Variants in SDCCAG8 observed in about 807,000 individuals in gnomAD.
SDCCAG8 encodes the protein serologically defined colon cancer antigen 8.
Under a neutral mutation model 101.8 loss-of-function variants are expected in SDCCAG8, and 74 were observed. The observed-to-expected ratio is 0.73, with a 90% CI of 0.60 to 0.88. The LOEUF is 0.88. Among genes scored for constraint, SDCCAG8 ranks in the 40% least tolerant of loss-of-function variants. The pLI, the probability that SDCCAG8 is intolerant of heterozygous loss-of-function variation, is 0.00. For synonymous variants in SDCCAG8, 281 were observed against 292.9 expected (o/e 0.96, Z 0.41); for missense variants, 787 against 822.6 (o/e 0.96, Z 0.53).
chr1:243,377,202 T>C (rs2077648544), intron 12 of SDCCAG8, among the ~76,000 whole-genome samples: 1 of 152,128 alleles, frequency 6.6e-6, no homozygotes, highest in East Asian at 1.9e-4. Flanking sequence ...TTCTTACATA[T>C]AGGACTGTGT....
At chr1:243,407,960 T>G (rs1573873979) in intron 13 of SDCCAG8, among the ~76,000 whole-genome samples, 2 of 152,248 alleles carry the variant, frequency 1.3e-5, no homozygotes, top group African/African-American at 4.8e-5. Flanking sequence ...CAGCCCCTGT[T>G]AGCTGTAAAT....
intron 16 of SDCCAG8, among the ~76,000 whole-genome samples, chr1:243,480,084 G>T (rs1438470725): frequency 2.0e-5 from 3 of 151,340 alleles, no homozygotes; most frequent in African/African-American, 7.3e-5. Flanking sequence ...GCACTCATAG[G>T]ATTAGGATTA....
At chr1:243,369,181 C>T (rs547536097) in intron 12 of SDCCAG8, among the ~76,000 whole-genome samples, 1 of 152,264 alleles carries the variant, frequency 6.6e-6, no homozygotes, top group African/African-American at 2.4e-5. Context: ...ATTTTAACCC[C>T]TATCACTTTA....
chr1:243,397,403 A>T lies in SDCCAG8; in HGVS notation c.1617-18299A>T, dbSNP rs1033535177. ...TTTTTTAAATCCATCCATTAATTTAATTTTTTCCAGCCAGAAGCTCCATTA... is the reference window on the plus strand; with the variant it reads ...TTTTTTAAATCCATCCATTAATTTATTTTTTTCCAGCCAGAAGCTCCATTA... On this transcript the variant is annotated intron_variant, in intron 13 of 17. Transcript: ENST00000366541. Among the ~76,000 whole-genome samples the T allele has an allele frequency of 4.6e-5, 7 of 152,086 alleles. No homozygotes were observed. The East Asian group carries it at 1.3e-3, about 29-fold the overall frequency.
chr1:243,275,896 G>T (rs1328713700), intron 4 of SDCCAG8, among the ~76,000 whole-genome samples: 3 of 113,214 alleles, frequency 2.6e-5, no homozygotes, highest in African/African-American at 1.1e-4. Context: ...ATGGAGTCTC[G>T]CATTGTCGCC....
chr1:243,363,468 G>A (rs1037851656), intron 12 of SDCCAG8, among the ~76,000 whole-genome samples: 4 of 152,138 alleles, frequency 2.6e-5, no homozygotes, highest in East Asian at 1.9e-4. Context: ...ATATAAACCC[G>A]TGTTGGGAAA....
At chr1:243,495,761 T>A (rs1190410003) in intron 17 of SDCCAG8, among the ~76,000 whole-genome samples, 2 of 152,172 alleles carry the variant, frequency 1.3e-5, no homozygotes, top group African/African-American at 2.4e-5. Flanking sequence ...TGAGGGCACC[T>A]CTCTCCTCAG....
At chr1:243,266,387 G>A (rs535728570) in intron 1 of SDCCAG8, among the ~76,000 whole-genome samples, 2 of 151,222 alleles carry the variant, frequency 1.3e-5, no homozygotes, top group Admixed American at 6.6e-5. Flanking sequence ...TGTGATCTCG[G>A]CTCACTGCAA....
chr1:243,311,509 A>G (rs1256469683), intron 8 of SDCCAG8, among the ~76,000 whole-genome samples: 2 of 152,210 alleles, frequency 1.3e-5, no homozygotes, highest in African/African-American at 4.8e-5. Context: ...CTTTAACAAT[A>G]TTGGTAACTA....
rs147147153 is a variant in SDCCAG8, at chr1:243,387,414, G to A, written c.1616+8551G>A. 2.1e-3 allele frequency among the ~76,000 whole-genome samples: 317 copies of A among 152,092 alleles called. 4 individuals are homozygous for A. Among genetic ancestry groups the A allele is most frequent in the Admixed American group, 0.015 (229 of 15,266 alleles). ...TTCTTATTTCTCCTTTTACATAAAT[G>A]ATCTTTTTAATAATATGTATGTACT... On this transcript the variant is annotated intron_variant, in intron 13 of 17. Transcript: ENST00000366541.
chr1:243,256,088 C>T lies in SDCCAG8; in HGVS notation c.-86C>T, dbSNP rs1384528490. 3 of 1,325,088 alleles carry T rather than the reference C, an allele frequency of 2.3e-6. No individual in the cohort carries two copies. Among genetic ancestry groups the T allele is most frequent in the African/African-American group, 1.4e-5 (1 of 69,390 alleles). The allele number at this position is 1,325,088 out of a possible 1,614,324, so 82.1% of individuals were successfully genotyped here. On this transcript the variant is annotated 5_prime_UTR_variant, in exon 1 of 18. Coordinates refer to ENST00000366541, the MANE Select transcript of SDCCAG8 (RefSeq NM_006642.5). Reference sequence around the variant, plus strand: ...CCGCGGCAGGAAGCAGGCGGGCGCTCCCCGGCCACAGGCCTGTTGTTCTCG... The same window carrying T: ...CCGCGGCAGGAAGCAGGCGGGCGCTTCCCGGCCACAGGCCTGTTGTTCTCG...
At chr1:243,389,158 C>G (rs560916002) in intron 13 of SDCCAG8, among the ~76,000 whole-genome samples, 133 of 149,232 alleles carry the variant, frequency 8.9e-4, no homozygotes, top group Non-Finnish European at 1.1e-3. Flanking sequence ...CCTCCCCCCC[C>G]CAAAAAAAAA....
intron 3 of SDCCAG8, among the ~76,000 whole-genome samples, chr1:243,272,413 T>G (rs1420858003): frequency 6.6e-6 from 1 of 152,252 alleles, no homozygotes; most frequent in Non-Finnish European, 1.5e-5. Context: ...ATGCATATTC[T>G]AAATTTATAG....
chr1:243,316,382 T>C (rs1449079920), intron 8 of SDCCAG8, among the ~76,000 whole-genome samples: 2 of 152,228 alleles, frequency 1.3e-5, no homozygotes, highest in Non-Finnish European at 2.9e-5. Context: ...TTCCTTAAAA[T>C]GTTGACTGCT....
At chr1:243,405,760 G>T (rs1441055485) in intron 13 of SDCCAG8, among the ~76,000 whole-genome samples, 4 of 151,610 alleles carry the variant, frequency 2.6e-5, no homozygotes, top group Non-Finnish European at 4.4e-5. Context: ...GATAAATAAT[G>T]CATGCATTAC....
rs115450612 is a variant in SDCCAG8, at chr1:243,400,734, T to C, written c.1617-14968T>C. 8.0e-3 allele frequency among the ~76,000 whole-genome samples: 1,215 copies of C among 152,336 alleles called. 9 individuals are homozygous for C. The highest frequency in any genetic ancestry group is 0.027 in the Middle Eastern group (8 of 294). ...CATAACTAGATTGCCAGTCAGTTCA[T>C]TGAAGTTAGACACCTTTTAAAGCAT... On this transcript the variant is annotated intron_variant, in intron 13 of 17. Transcript: ENST00000366541.
rs148887070 is a variant in SDCCAG8 at position 243,260,646 on chromosome 1, A to G, written c.67+4406A>G. Among the ~76,000 whole-genome samples, 188 of 152,360 alleles carry G rather than the reference A, an allele frequency of 1.2e-3. 2 individuals are homozygous for G. Among genetic ancestry groups the G allele is most frequent in the African/African-American group, 4.3e-3 (177 of 41,586 alleles). ...CATCTCTTGCTGCAGCGTTGGGAAT[A>G]GATAACAATTTTATCAACAACACCT... On this transcript the variant is annotated intron_variant, in intron 1 of 17. Transcript: ENST00000366541.
intron 13 of SDCCAG8, among the ~76,000 whole-genome samples, chr1:243,380,404 A>C (rs1234568942): frequency 1.2e-4 from 18 of 152,338 alleles, no homozygotes; most frequent in Non-Finnish European, 1.8e-4. Context: ...TAAACCTCAG[A>C]AATAGGACAG....
intron 8 of SDCCAG8, among the ~76,000 whole-genome samples, chr1:243,310,377 C>T (rs559707274): frequency 6.1e-4 from 93 of 152,082 alleles, no homozygotes; most frequent in African/African-American, 2.2e-3. Context: ...AATCTTCAAG[C>T]GTTCATGAGG....
Sources: allele counts gnomAD v4.1 joint callset (sites outside exome capture counted in the v4.1 genomes callset), GRCh38; gene constraint gnomAD v4.1.1; transcripts MANE v1.5; gene names NCBI Gene and HGNC (gene_info 2026-07-23, HGNC 2026-07-21).